The following CHST13 variants were observed in gnomAD, a reference collection of about 807,000 sequenced individuals.
CHST13 encodes C4ST-3.
A neutral mutation model predicts 7.0 loss-of-function variants in CHST13; 1 was observed. The observed-to-expected ratio is 0.14, with a 90% confidence interval of 0.05 to 0.68. The LOEUF (loss-of-function observed/expected upper bound fraction) is 0.68. Among genes scored for constraint, CHST13 ranks in the 30% least tolerant of loss-of-function variants. The pLI, the probability that CHST13 is intolerant of heterozygous loss-of-function variation, is 0.82. For missense variants in CHST13, 572 were observed against 507.9 expected (o/e 1.13, Z -1.21); for synonymous variants, 257 against 240.9 (o/e 1.07, Z -0.62).
In CHST13 at chr3:126,542,278, C is replaced by T. The variant is rs1346628175; in HGVS notation, c.726C>T (p.Pro242=). The change falls in exon 3 of 3, where the codon CCC becomes CCT. Residue 242 remains proline, a synonymous_variant. Transcript: ENST00000319340. ...ACCCGCGCACGCGGCGTGAGGAGCC[C>T]TTCAACGAGCACTGGGAGCGCGCGC... The part of the protein sequence containing the change: ...LLDPRTRREE[P]FNEHWERAHA... 1.3e-6 allele frequency: 2 copies of T among 1,563,956 alleles called. No individual in the cohort carries two copies. Among genetic ancestry groups the T allele is most frequent in the Non-Finnish European group, 1.7e-6 (2 of 1,160,632 alleles).
At chr3:126,536,877 TTTC>T (rs1936803717) in intron 2 of CHST13, among the ~76,000 whole-genome samples, 1 of 113,184 alleles carries the variant, frequency 8.8e-6, no homozygotes, top group South Asian at 3.1e-4. Context: ...TCTCTCTCTC[TTTC>T]TCACACACAC....
In CHST13 at chr3:126,542,288, C is replaced by A; in HGVS notation, c.736C>A (p.His246Asn). ...RTRREEPFNE[H>N]WERAHALCHP... ...GCGGCGTGAGGAGCCCTTCAACGAGCACTGGGAGCGCGCGCACGCGCTCTG... is the reference window on the plus strand; with the variant it reads ...GCGGCGTGAGGAGCCCTTCAACGAGAACTGGGAGCGCGCGCACGCGCTCTG... The change falls in exon 3 of 3, where the codon CAC becomes AAC. Residue 246 changes from histidine (H) to asparagine (N), a missense_variant. His to Asn is a moderately conservative substitution (Grantham distance 68). Transcript: ENST00000319340. The A allele has an allele frequency of 6.4e-7, 1 of 1,566,478 alleles. No individual in the cohort carries two copies. The highest frequency in any genetic ancestry group is 8.6e-7 in the Non-Finnish European group (1 of 1,161,348).
rs751992539 is a variant in CHST13 at position 126,536,285 on chromosome 3, G to C, written c.112G>C (p.Ala38Pro). The change falls in exon 2 of 3, where the codon GCC becomes CCC. Residue 38 changes from alanine to proline, a missense_variant. Ala to Pro is a conservative substitution (Grantham distance 27). Transcript: ENST00000319340. ...RSLRPAFGNR[A>P]LGSSWLGGEK... ...TATGCCCACAGCATTTGGAAACAGA[G>C]CCCTGGGCTCCAGCTGGCTTGGTGG... 1 of 1,613,944 alleles carries C rather than the reference G, an allele frequency of 6.2e-7. No homozygotes were observed. The highest frequency in any genetic ancestry group is 8.5e-7 in the Non-Finnish European group (1 of 1,179,918).
chr3:126,524,519 G>T (rs557385385), intron 1 of CHST13, 90 bp downstream of exon 1: 224 of 412,474 alleles, frequency 5.4e-4, no homozygotes, highest in African/African-American at 3.8e-3. Flanking sequence ...CAGCGCGGGG[G>T]ACACCTGTTG....
chr3:126,524,456 AC>A (rs1235102356), intron 1 of CHST13, 27 bp downstream of exon 1: 2 of 890,190 alleles, frequency 2.2e-6, no homozygotes, highest in Non-Finnish European at 1.5e-6. Context: ...CGAGCCGCGC[AC>A]CCCCAACCAA....
intron 1 of CHST13, among the ~76,000 whole-genome samples, chr3:126,533,972 G>T (rs1452893159): frequency 1.3e-5 from 2 of 152,090 alleles, no homozygotes; most frequent in African/African-American, 2.4e-5. Flanking sequence ...CTAGGAATTT[G>T]TCTATTTCTT....
At chr3:126,529,950 G>A (rs1439447572) in intron 1 of CHST13, among the ~76,000 whole-genome samples, 2 of 152,244 alleles carry the variant, frequency 1.3e-5, no homozygotes, top group East Asian at 1.9e-4. Context: ...CAGGGAGCCT[G>A]GGACCTAGGG....
chr3:126,524,468 A>C, intron 1 of CHST13, 39 bp downstream of exon 1: 13 of 725,422 alleles, frequency 1.8e-5, no homozygotes, highest in Non-Finnish European at 2.3e-5. Flanking sequence ...CCCCAACCAA[A>C]CCTGGCTCCT....
intron 1 of CHST13, among the ~76,000 whole-genome samples, chr3:126,524,729 A>G (rs578082497): frequency 1.3e-5 from 2 of 152,114 alleles, no homozygotes; most frequent in Non-Finnish European, 2.9e-5. Context: ...CAATTGGCCA[A>G]TCCGGGAAGG....
Position 126,541,800 on chromosome 3 carries a change from GC to G in CHST13, c.250del (p.His84ThrfsTer44). On this transcript the variant is annotated frameshift_variant, in exon 3 of 3. Coordinates refer to ENST00000319340, the MANE Select transcript of CHST13 (RefSeq NM_152889.3). LOFTEE classifies it low-confidence loss of function (END_TRUNC). Reference sequence around the variant, plus strand: ...GACCTGCTGAACAGCGCCTGTAGCCGCCACTCACGCCGGCAGCGCCTGCTAC... The same window carrying G: ...GACCTGCTGAACAGCGCCTGTAGCCGCACTCACGCCGGCAGCGCCTGCTAC... ...RRDLLNSACS[R>X]HSRRQRLLQP... The G allele has an allele frequency of 6.5e-7, 1 of 1,550,326 alleles. No individual in the cohort carries two copies.
intron 1 of CHST13, chr3:126,529,348 G>A (rs1161992996): frequency 7.8e-7 from 1 of 1,289,318 alleles, no homozygotes; most frequent in South Asian, 1.2e-5. Flanking sequence ...TTTCCTCATG[G>A]GTCAGTGAAA....
chr3:126,528,899 C>T (rs1198611588), intron 1 of CHST13, among the ~76,000 whole-genome samples: 1 of 152,238 alleles, frequency 6.6e-6, no homozygotes, highest in Non-Finnish European at 1.5e-5. Flanking sequence ...ATGCAGGTCA[C>T]CCCAGAAAGC....
At chr3:126,524,969 TAGTC>T (rs1382006282) in intron 1 of CHST13, among the ~76,000 whole-genome samples, 1 of 152,162 alleles carries the variant, frequency 6.6e-6, no homozygotes, top group African/African-American at 2.4e-5. Flanking sequence ...CTGAGGCAGT[TAGTC>T]ATGACTCCGC....
intron 1 of CHST13, among the ~76,000 whole-genome samples, chr3:126,534,767 C>T (rs1400866570): frequency 4.0e-5 from 6 of 150,890 alleles, no homozygotes; most frequent in Admixed American, 3.9e-4. Flanking sequence ...AGACAGACAG[C>T]ATCCCTGTCC....
chr3:126,530,523 C>G (rs1385302922), intron 1 of CHST13, among the ~76,000 whole-genome samples: 1 of 152,254 alleles, frequency 6.6e-6, no homozygotes, highest in Non-Finnish European at 1.5e-5. Flanking sequence ...CAGTCCCCAG[C>G]CACAGTTCCC....
rs1936492824 is a variant in CHST13, at chr3:126,524,351, C to A, written c.19C>A (p.Arg7=). 2.4e-6 allele frequency: 3 copies of A among 1,235,414 alleles called. No homozygotes were observed. The highest frequency in any genetic ancestry group is 1.6e-5 in the African/African-American group (1 of 63,754). The allele number at this position is 1,235,414 out of a possible 1,614,324, so 76.5% of individuals were successfully genotyped here. A position where few individuals can be genotyped will look rare whatever the true frequency, so the allele number is the denominator to read the frequency against. The part of the protein sequence containing the change: MGRRCC[R]RRVLAAACLG... ...GCACAGCATGGGGAGGCGCTGCTGC[C>A]GGCGGCGCGTGCTGGCGGCCGCCTG... Residue 7 remains arginine (R), a synonymous_variant, in exon 1 of 3, where the codon CGG becomes AGG. Transcript: ENST00000319340.
Position 126,524,254 on chromosome 3 carries a change from G to C in CHST13, c.-79G>C. 8.9e-7 allele frequency: 1 copy of C among 1,118,046 alleles called. No homozygotes were observed. Among genetic ancestry groups the C allele is most frequent in the Non-Finnish European group, 1.1e-6 (1 of 893,542 alleles). The allele number at this position is 1,118,046 out of a possible 1,614,324, so 69.3% of individuals were successfully genotyped here. A position where few individuals can be genotyped will look rare whatever the true frequency, so the allele number is the denominator to read the frequency against. On this transcript the variant is annotated 5_prime_UTR_variant, in exon 1 of 3. Coordinates refer to ENST00000319340, the MANE Select transcript of CHST13 (RefSeq NM_152889.3). ...GCGTCTTGGTAGGCGCTGCGCTGCC[G>C]GGGCCGGGTCCTGGGCCAGTGCAAC...
intron 1 of CHST13, among the ~76,000 whole-genome samples, chr3:126,525,831 C>T (rs1936527171): frequency 6.6e-6 from 1 of 152,142 alleles, no homozygotes; most frequent in East Asian, 1.9e-4. Flanking sequence ...ACACCTCTCT[C>T]CTGTCACCTA....
chr3:126,525,254 C>G (rs979697984), intron 1 of CHST13, among the ~76,000 whole-genome samples: 5 of 152,160 alleles, frequency 3.3e-5, no homozygotes, highest in South Asian at 4.1e-4. Flanking sequence ...CTCCCCACCC[C>G]CAGTGTGGGC....
Sources: allele counts gnomAD v4.1 joint callset (sites outside exome capture counted in the v4.1 genomes callset), GRCh38; gene constraint gnomAD v4.1.1; transcripts MANE v1.5; gene names NCBI Gene and HGNC (gene_info 2026-07-23, HGNC 2026-07-21).